Variants in MAP7 observed in about 807,000 individuals in gnomAD.
MAP7 encodes microtubule associated protein 7.
MAP7 carries 52 observed loss-of-function variants against 94.8 expected under a neutral mutation model. The ratio of observed to expected loss-of-function variants is 0.55; its 90% CI spans 0.44 to 0.69. The LOEUF is 0.69. MAP7 is among the 30% of genes least tolerant of loss of function. MAP7 has a pLI of 0.00. For missense variants in MAP7, 940 were observed against 964.6 expected (o/e 0.97, Z 0.34); for synonymous variants, 350 against 357.0 (o/e 0.98, Z 0.22).
intron 17 of MAP7, 41 bp downstream of exon 17, chr6:136,345,815 T>A (rs765751044): frequency 2.0e-6 from 3 of 1,487,850 alleles, no homozygotes; most frequent in Non-Finnish European, 2.8e-6. Context: ...GGGTGTCAGA[T>A]ATTTCTGATG....
intron 1 of MAP7, among the ~76,000 whole-genome samples, chr6:136,427,142 G>T (rs1439237438): frequency 1.3e-5 from 2 of 152,210 alleles, no homozygotes; most frequent in Non-Finnish European, 2.9e-5. Context: ...CAAGAAGTAG[G>T]GGAAGAGTAG....
chr6:136,391,526 A>G (rs907729401), intron 3 of MAP7, among the ~76,000 whole-genome samples: 4 of 143,214 alleles, frequency 2.8e-5, no homozygotes, highest in African/African-American at 5.2e-5. Flanking sequence ...CAATGTGCAC[A>G]TGTACCCTAA....
At chr6:136,482,427 C>G (rs912142969) in intron 1 of MAP7, among the ~76,000 whole-genome samples, 3 of 151,436 alleles carry the variant, frequency 2.0e-5, no homozygotes, top group African/African-American at 7.3e-5. Flanking sequence ...GGTGAAACCC[C>G]GTCTCTACTA....
chr6:136,417,746 AC>A (rs1466718843), intron 2 of MAP7, among the ~76,000 whole-genome samples: 1 of 152,172 alleles, frequency 6.6e-6, no homozygotes, highest in East Asian at 1.9e-4. Context: ...CCATCCACGC[AC>A]CATGGCAGCT....
intron 10 of MAP7, 125 bp downstream of exon 10, chr6:136,365,610 C>T: frequency 9.7e-7 from 1 of 1,029,964 alleles, no homozygotes; most frequent in South Asian, 1.7e-5. Flanking sequence ...AGGTATTAAA[C>T]TTAACCTTAG....
chr6:136,454,323 C>CTATCTATA lies in MAP7; in HGVS notation c.68-32525_68-32524insTATAGATA, dbSNP rs911885733. Reference sequence around the variant, plus strand: ...TCTATCTATCTATCTATCTATCTATCTGAGACAGGGTCTTACGCTGTCTCC... The same window carrying CTATCTATA: ...TCTATCTATCTATCTATCTATCTATCTATCTATATGAGACAGGGTCTTACGCTGTCTCC... On this transcript the variant is annotated intron_variant, in intron 1 of 17. Coordinates refer to ENST00000354570, the MANE Select transcript of MAP7 (RefSeq NM_003980.6). 1.9e-3 allele frequency among the ~76,000 whole-genome samples: 292 copies of CTATCTATA among 151,664 alleles called. 1 individual carries two copies. The highest frequency in any genetic ancestry group is 6.8e-3 in the African/African-American group (279 of 41,288).
intron 1 of MAP7, among the ~76,000 whole-genome samples, chr6:136,428,551 T>C (rs1257112616): frequency 6.6e-6 from 1 of 150,498 alleles, no homozygotes; most frequent in African/African-American, 2.4e-5. Flanking sequence ...ATAAATAAAA[T>C]AGTGACACAA....
At chr6:136,527,076 G>A (rs1828014879) in intron 1 of MAP7, among the ~76,000 whole-genome samples, 1 of 152,142 alleles carries the variant, frequency 6.6e-6, no homozygotes, top group South Asian at 2.1e-4. Flanking sequence ...ATTACACCCA[G>A]CACACCCCCC....
In MAP7 at chr6:136,505,267, GTGTGTGTGTGTATATATATATATA is replaced by G. The variant is rs200276786; in HGVS notation, c.67+45051_67+45074del. Among the ~76,000 whole-genome samples, 1,524 of 104,840 alleles carry G rather than the reference GTGTGTGTGTGTATATATATATATA, an allele frequency of 0.015. 71 individuals carry two copies. In the East Asian group the frequency reaches 0.17, roughly 12 times the overall value. 68.8% of individuals were successfully genotyped at this position (104,840 alleles called of 152,430 possible). A position where few individuals can be genotyped will look rare whatever the true frequency, so the allele number is the denominator to read the frequency against. On this transcript the variant is annotated intron_variant, in intron 1 of 17. Transcript: ENST00000354570. ...TTCCATGTAATGTGTGTGTGTGTGT[GTGTGTGTGTGTATATATATATATA>G]TATATATATATATATATATATAGTA...
At chr6:136,405,122 G>A (rs746805922) in intron 3 of MAP7, among the ~76,000 whole-genome samples, 1 of 152,106 alleles carries the variant, frequency 6.6e-6, no homozygotes, top group Non-Finnish European at 1.5e-5. Context: ...AATACCTCCT[G>A]CATTCATCTC....
chr6:136,446,913 T>C (rs764008143), intron 1 of MAP7, among the ~76,000 whole-genome samples: 8 of 152,144 alleles, frequency 5.3e-5, no homozygotes, highest in Non-Finnish European at 7.4e-5. Context: ...GACAAAAACT[T>C]AAAAAAATTT....
chr6:136,455,852 T>G (rs866936039), intron 1 of MAP7, among the ~76,000 whole-genome samples: 2 of 152,132 alleles, frequency 1.3e-5, no homozygotes, highest in African/African-American at 4.8e-5. Flanking sequence ...TAAAGGAAAT[T>G]TATATTTAAA....
intron 10 of MAP7, chr6:136,364,279 CA>C: frequency 1.9e-6 from 1 of 529,880 alleles, no homozygotes; most frequent in Non-Finnish European, 3.8e-6. Context: ...GGCTTGTTTG[CA>C]AAAGCCTTGG....
chr6:136,404,640 G>C (rs1785071939), intron 3 of MAP7, among the ~76,000 whole-genome samples: 1 of 152,064 alleles, frequency 6.6e-6, no homozygotes, highest in Admixed American at 6.5e-5. Flanking sequence ...GTACCAATTA[G>C]GAATTTGACT....
At chr6:136,455,434 C>A (rs1562420520) in intron 1 of MAP7, among the ~76,000 whole-genome samples, 1 of 151,896 alleles carries the variant, frequency 6.6e-6, no homozygotes, top group Admixed American at 6.6e-5. Flanking sequence ...AACAAACAGA[C>A]AGAAAATCAA....
In MAP7 at chr6:136,525,758, T is replaced by G; in HGVS notation, c.67+24584A>C. On this transcript the variant is annotated intron_variant, in intron 1 of 17. Coordinates refer to ENST00000354570, the MANE Select transcript of MAP7 (RefSeq NM_003980.6). ...GAGCATGCACGAGCAGCACAGTTTATAAAACGTTCTATAGGCAGTGTGGGA... is the reference window on the plus strand; with the variant it reads ...GAGCATGCACGAGCAGCACAGTTTAGAAAACGTTCTATAGGCAGTGTGGGA... The G allele has an allele frequency of 6.9e-6, 10 of 1,455,866 alleles. No homozygotes were observed. In the South Asian group the frequency reaches 9.7e-5, roughly 14 times the overall value. The allele number at this position is 1,455,866 out of a possible 1,614,324, so 90.2% of individuals were successfully genotyped here.
intron 6 of MAP7, among the ~76,000 whole-genome samples, chr6:136,380,792 A>G (rs1344815447): frequency 6.6e-6 from 1 of 152,250 alleles, no homozygotes; most frequent in East Asian, 1.9e-4. Flanking sequence ...TAAAATATTT[A>G]AAAACTGACA....
At chr6:136,431,316 T>C (rs1488539964) in intron 1 of MAP7, among the ~76,000 whole-genome samples, 1 of 152,044 alleles carries the variant, frequency 6.6e-6, no homozygotes, top group Non-Finnish European at 1.5e-5. Flanking sequence ...CTGAGTCCCA[T>C]GAGAGGCAAA....
intron 1 of MAP7, among the ~76,000 whole-genome samples, chr6:136,491,496 A>G (rs754509083): frequency 1.3e-5 from 2 of 152,158 alleles, no homozygotes; most frequent in Admixed American, 6.5e-5. Context: ...TATCATGACA[A>G]CTACTTCAGG....
Sources: gnomAD v4.1 joint callset for allele counts (sites outside exome capture counted in the v4.1 genomes callset) on GRCh38, gnomAD v4.1.1 for gene constraint, MANE v1.5 for transcripts, NCBI Gene and HGNC (gene_info 2026-07-23, HGNC 2026-07-21) for gene names.